The following TEAD1 variants were observed in gnomAD, a reference collection of about 807,000 sequenced individuals.
TEAD1 encodes TEA domain transcription factor 1, also known as transcriptional enhancer factor TEF-1.
TEAD1 carries 9 observed loss-of-function variants against 54.9 expected under a neutral mutation model. That is an observed-to-expected ratio of 0.16 (90% confidence interval 0.10 to 0.29). The LOEUF (loss-of-function observed/expected upper bound fraction) is 0.29, where lower values mean the gene tolerates loss of function less well. Among genes scored for constraint, TEAD1 ranks in the 10% least tolerant of loss-of-function variants. The pLI is 1.00. For synonymous variants in TEAD1, 200 were observed against 187.8 expected, an observed-to-expected ratio of 1.07 and a Z score of -0.53; for missense variants, 387 against 535.9, an observed-to-expected ratio of 0.72 and a Z score of 2.74.
chr11:12,712,502 G>T (rs1340321045), intron 2 of TEAD1, among the ~76,000 whole-genome samples: 1 of 152,190 alleles, frequency 6.6e-6, no homozygotes, highest in African/African-American at 2.4e-5. Context: ...GCTGCCCTCA[G>T]TTGGTAAAAT....
At chr11:12,753,361 T>C (rs563329921) in intron 2 of TEAD1, among the ~76,000 whole-genome samples, 2 of 152,340 alleles carry the variant, frequency 1.3e-5, no homozygotes, top group East Asian at 1.9e-4. Flanking sequence ...TTTTCCAGAA[T>C]GATTGTACCA....
At chr11:12,748,677 T>G (rs1944802222) in intron 2 of TEAD1, among the ~76,000 whole-genome samples, 1 of 152,090 alleles carries the variant, frequency 6.6e-6, no homozygotes, top group African/African-American at 2.4e-5. Context: ...ATCTCTATGT[T>G]TAAGAAGCCA....
chr11:12,894,780 A>T (rs1233681877), intron 9 of TEAD1, among the ~76,000 whole-genome samples: 1 of 152,232 alleles, frequency 6.6e-6, no homozygotes, highest in Non-Finnish European at 1.5e-5. Context: ...TATTGATTTC[A>T]CATTATTTCG....
chr11:12,707,279 AC>A (rs1211214788), intron 2 of TEAD1, among the ~76,000 whole-genome samples: 3 of 150,884 alleles, frequency 2.0e-5, no homozygotes, highest in African/African-American at 7.3e-5. Flanking sequence ...TCACCCTTCC[AC>A]TCCTCCTCAT....
In TEAD1 at chr11:12,690,633, A is replaced by G. The variant is rs568236606; in HGVS notation, c.-55+15072A>G. On this transcript the variant is annotated intron_variant, in intron 2 of 12. Coordinates refer to ENST00000527636, the MANE Select transcript of TEAD1 (RefSeq NM_021961.6). ...TTGATGCAAATATTTCATAGCTAGT[A>G]TTCTACCAGGAGGCACACAATGTAC... 1.3e-4 allele frequency among the ~76,000 whole-genome samples: 20 copies of G among 152,340 alleles called. No individual in the cohort carries two copies. In the South Asian group the frequency reaches 4.1e-3, roughly 32 times the overall value.
At chr11:12,771,555 G>C (rs1029667528) in intron 3 of TEAD1, among the ~76,000 whole-genome samples, 1 of 152,188 alleles carries the variant, frequency 6.6e-6, no homozygotes, top group East Asian at 1.9e-4. Context: ...ACTGTTAAGC[G>C]AGATGGGGAG....
chr11:12,729,059 C>G (rs1473432916), intron 2 of TEAD1, among the ~76,000 whole-genome samples: 1 of 152,184 alleles, frequency 6.6e-6, no homozygotes, highest in African/African-American at 2.4e-5. Context: ...GTGATTCTCT[C>G]TAATATTAGA....
intron 2 of TEAD1, among the ~76,000 whole-genome samples, chr11:12,756,093 T>C (rs529914355): frequency 6.6e-6 from 1 of 152,266 alleles, no homozygotes; most frequent in South Asian, 2.1e-4. Context: ...TCAGGGATTC[T>C]CAGGAGGGTA....
intron 2 of TEAD1, among the ~76,000 whole-genome samples, chr11:12,677,625 C>G (rs954853919): frequency 6.6e-6 from 1 of 152,066 alleles, no homozygotes; most frequent in East Asian, 1.9e-4. Flanking sequence ...CATTTCTTAA[C>G]GGGAACGTTT....
intron 2 of TEAD1, among the ~76,000 whole-genome samples, chr11:12,745,791 T>G (rs1350787554): frequency 1.3e-5 from 2 of 152,236 alleles, no homozygotes; most frequent in African/African-American, 4.8e-5. Flanking sequence ...AGAATTTTTT[T>G]GTCCATCTAC....
chr11:12,725,260 T>C (rs1188204112), intron 2 of TEAD1, among the ~76,000 whole-genome samples: 1 of 152,140 alleles, frequency 6.6e-6, no homozygotes, highest in Non-Finnish European at 1.5e-5. Flanking sequence ...GGTGGAAAGG[T>C]AGTGGGGACA....
At chr11:12,775,246 C>T (rs1289196393) in intron 3 of TEAD1, among the ~76,000 whole-genome samples, 1 of 152,100 alleles carries the variant, frequency 6.6e-6, no homozygotes, top group African/African-American at 2.4e-5. Flanking sequence ...AGCTCCAGGG[C>T]AGACTTTTAG....
chr11:12,879,425 A>C (rs1170440161), intron 5 of TEAD1: 12 of 598,070 alleles, frequency 2.0e-5, no homozygotes, highest in Non-Finnish European at 3.6e-5. Context: ...AGCTAAATAA[A>C]TACGTTGTCC....
intron 3 of TEAD1, among the ~76,000 whole-genome samples, chr11:12,853,175 AT>A (rs1350019687): frequency 6.6e-6 from 1 of 151,844 alleles, no homozygotes; most frequent in Non-Finnish European, 1.5e-5. Context: ...ACCTGGAAAG[AT>A]TTTCCTTGGT....
chr11:12,818,630 A>G (rs1004949997), intron 3 of TEAD1, among the ~76,000 whole-genome samples: 1 of 152,186 alleles, frequency 6.6e-6, no homozygotes, highest in African/African-American at 2.4e-5. Context: ...TTCTTCCCCT[A>G]CATGGAACTC....
intron 3 of TEAD1, among the ~76,000 whole-genome samples, chr11:12,847,093 C>T (rs112628772): frequency 1.0e-3 from 152 of 152,342 alleles, no homozygotes; most frequent in Non-Finnish European, 1.5e-3. Flanking sequence ...TGTCTTCCTG[C>T]GGCTTCCCCC....
intron 5 of TEAD1, chr11:12,865,152 A>C (rs987100503): frequency 9.2e-6 from 5 of 544,654 alleles, no homozygotes; most frequent in Non-Finnish European, 1.7e-5. Flanking sequence ...ATAACAATGC[A>C]AATGCAGCAG....
chr11:12,703,689 T>C (rs1186196705), intron 2 of TEAD1, among the ~76,000 whole-genome samples: 2 of 152,246 alleles, frequency 1.3e-5, no homozygotes, highest in Non-Finnish European at 2.9e-5. Context: ...TTGTTTATAA[T>C]AGACCCTCAG....
intron 3 of TEAD1, among the ~76,000 whole-genome samples, chr11:12,789,768 GGCTGGGCTCGGCTGGGCTCA>G (rs1205956209): frequency 4.6e-5 from 7 of 152,218 alleles, no homozygotes; most frequent in Non-Finnish European, 7.3e-5. Context: ...TGGGTTGTAC[GGCTGGGCTCGGCTGGGCTCA>G]GCTGGGCCTG....
Sources: allele counts gnomAD v4.1 joint callset (sites outside exome capture counted in the v4.1 genomes callset), GRCh38; gene constraint gnomAD v4.1.1; transcripts MANE v1.5; gene names NCBI Gene and HGNC (gene_info 2026-07-23, HGNC 2026-07-21).